GPBP1: variants seen among roughly 807,000 people sequenced by gnomAD.
GPBP1 encodes vasculin.
Under a neutral mutation model 56.5 loss-of-function variants are expected in GPBP1, and 13 were observed. The ratio of observed to expected loss-of-function variants is 0.23; its 90% confidence interval spans 0.15 to 0.37. The LOEUF (loss-of-function observed/expected upper bound fraction) is 0.37. GPBP1 is among the 10% of genes least tolerant of loss of function. The pLI is 1.00. For missense variants in GPBP1, 477 were observed against 572.3 expected, an observed-to-expected ratio of 0.83 and a Z score of 1.70; for synonymous variants, 204 against 188.9, an observed-to-expected ratio of 1.08 and a Z score of -0.66.
In GPBP1 at chr5:57,195,850, A is replaced by G. The variant is rs1287987385; in HGVS notation, c.-57-18224A>G. Among the ~76,000 whole-genome samples the G allele has an allele frequency of 2.0e-5, 3 of 151,792 alleles. No homozygotes were observed. The East Asian group carries it at 5.8e-4, about 29-fold the overall frequency. On this transcript the variant is annotated intron_variant, in intron 2 of 11. Coordinates refer to ENST00000506184, the MANE Select transcript of GPBP1 (RefSeq NM_022913.4). Reference sequence around the variant, plus strand: ...AAACCCCGTCTCTACTAAAAATACAAAAATTACCTGGGCGTGGTGGCATGC... The same window carrying G: ...AAACCCCGTCTCTACTAAAAATACAGAAATTACCTGGGCGTGGTGGCATGC...
chr5:57,234,322 A>G (rs1299337332), intron 5 of GPBP1, among the ~76,000 whole-genome samples: 1 of 152,244 alleles, frequency 6.6e-6, no homozygotes, highest in African/African-American at 2.4e-5. Flanking sequence ...GATTAGCTTT[A>G]GAGCACTCAT....
At chr5:57,258,571 C>G (rs1186868160) in intron 10 of GPBP1, among the ~76,000 whole-genome samples, 1 of 152,160 alleles carries the variant, frequency 6.6e-6, no homozygotes, top group Non-Finnish European at 1.5e-5. Flanking sequence ...GTGCGGTTGT[C>G]TGACCAAAAT....
Position 57,262,663 on chromosome 5 carries a change from C to T in GPBP1, c.1333C>T (p.Pro445Ser). The T allele has an allele frequency of 6.2e-7, 1 of 1,613,474 alleles. No individual in the cohort carries two copies. Among genetic ancestry groups the T allele is most frequent in the Non-Finnish European group, 8.5e-7 (1 of 1,179,570 alleles). Residue 445 changes from proline (P) to serine (S), a missense_variant, in exon 12 of 12, where the codon CCG becomes TCG. Pro to Ser is a moderately conservative substitution (Grantham distance 74). Around this residue, in one of 2 missense-constraint regions of GPBP1, gnomAD observed 63 missense variants for 114.0 expected, o/e 0.55. Transcript: ENST00000506184. Reference protein sequence around the residue: ...NGLICDFKFGPWKNSTFKPTT... With the variant: ...NGLICDFKFGSWKNSTFKPTT... ...CTTGATCTGTGACTTCAAGTTTGGA[C>T]CGTGGAAGAACAGCACTTTCAAACC...
At chr5:57,260,786 C>G (rs1580091031) in intron 10 of GPBP1, among the ~76,000 whole-genome samples, 3 of 152,054 alleles carry the variant, frequency 2.0e-5, no homozygotes, top group Non-Finnish European at 4.4e-5. Flanking sequence ...GCTATTGATG[C>G]AGTGTTCATG....
Position 57,264,351 on chromosome 5 carries a change from G to A in GPBP1, c.*1599G>A, listed in dbSNP as rs1266573069. ...AAAGCATGCTTTGACGAAGCTATCG[G>A]TAACACATATTGAATGTCTTTGAGA... On this transcript the variant is annotated 3_prime_UTR_variant, in exon 12 of 12. Coordinates refer to ENST00000506184, the MANE Select transcript of GPBP1 (RefSeq NM_022913.4). The A allele has an allele frequency of 2.6e-5, 4 of 152,152 alleles. No homozygotes were observed. 9.4% of individuals were successfully genotyped at this position (152,152 alleles called of 1,614,324 possible).
Position 57,175,955 on chromosome 5 carries a change from A to G in GPBP1, c.-503A>G. 2.5e-6 allele frequency: 1 copy of G among 398,482 alleles called. No individual in the cohort carries two copies. Among genetic ancestry groups the G allele is most frequent in the Non-Finnish European group, 4.4e-6 (1 of 226,014 alleles). The allele number at this position is 398,482 out of a possible 1,614,324, so 24.7% of individuals were successfully genotyped here. ...AAGAATACAGAGTTTTTTTCCTTTTATCTTTTATTTACGTGGAAATTTAAG... is the reference window on the plus strand; with the variant it reads ...AAGAATACAGAGTTTTTTTCCTTTTGTCTTTTATTTACGTGGAAATTTAAG... On this transcript the variant is annotated 5_prime_UTR_variant, in exon 2 of 12. Coordinates refer to ENST00000506184, the MANE Select transcript of GPBP1 (RefSeq NM_022913.4).
chr5:57,228,764 A>G (rs1050977333), intron 3 of GPBP1, among the ~76,000 whole-genome samples: 4 of 152,106 alleles, frequency 2.6e-5, no homozygotes, highest in East Asian at 1.9e-4. Context: ...TTAAAATGCT[A>G]TAAGGTGCTA....
At chr5:57,202,574 C>G (rs1248365346) in intron 2 of GPBP1, among the ~76,000 whole-genome samples, 3 of 152,182 alleles carry the variant, frequency 2.0e-5, no homozygotes, top group African/African-American at 7.2e-5. Flanking sequence ...CAGGCATGAG[C>G]CACCGTGCCC....
At chr5:57,194,063 T>C (rs1019813094) in intron 2 of GPBP1, among the ~76,000 whole-genome samples, 10 of 152,176 alleles carry the variant, frequency 6.6e-5, no homozygotes, top group Admixed American at 4.6e-4. Context: ...CTCTACAGTC[T>C]TTTTTTACTT....
intron 9 of GPBP1, among the ~76,000 whole-genome samples, chr5:57,250,247 G>A (rs900774497): frequency 3.3e-5 from 5 of 151,504 alleles, no homozygotes; most frequent in Non-Finnish European, 7.4e-5. Flanking sequence ...CAGGTGATCC[G>A]CCTGCCTTGG....
chr5:57,189,700 G>A (rs1288027996), intron 2 of GPBP1, among the ~76,000 whole-genome samples: 1 of 152,142 alleles, frequency 6.6e-6, no homozygotes, highest in African/African-American at 2.4e-5. Flanking sequence ...ACCCTTTAAT[G>A]TCTTTCCATT....
At chr5:57,205,669 A>G (rs1451224157) in intron 2 of GPBP1, among the ~76,000 whole-genome samples, 1 of 151,758 alleles carries the variant, frequency 6.6e-6, no homozygotes, top group Non-Finnish European at 1.5e-5. Context: ...CATTTCCCTA[A>G]TGATACTGAG....
intron 3 of GPBP1, among the ~76,000 whole-genome samples, chr5:57,219,404 C>CAAAA (rs1491436205): frequency 8.0e-5 from 2 of 25,142 alleles, no homozygotes; most frequent in Non-Finnish European, 1.3e-4. Context: ...AAAAAAAAAA[C>CAAAA]CAAAAACAAA....
At chr5:57,250,013 A>G (rs1053264268) in intron 9 of GPBP1, among the ~76,000 whole-genome samples, 3 of 70,290 alleles carry the variant, frequency 4.3e-5, no homozygotes, top group Non-Finnish European at 8.2e-5. Context: ...GTCTCACTCT[A>G]TCACCCAAGC....
At chr5:57,234,563 C>T (rs866329713) in intron 5 of GPBP1, among the ~76,000 whole-genome samples, 2 of 152,000 alleles carry the variant, frequency 1.3e-5, no homozygotes. Context: ...CATAGCAAGA[C>T]CCATTATCTA....
intron 3 of GPBP1, among the ~76,000 whole-genome samples, chr5:57,228,877 C>T (rs1756314636): frequency 6.6e-6 from 1 of 151,550 alleles, no homozygotes; most frequent in Non-Finnish European, 1.5e-5. Flanking sequence ...GCATTTCCCT[C>T]CCTACTGAGA....
intron 2 of GPBP1, among the ~76,000 whole-genome samples, chr5:57,203,909 G>A (rs574299865): frequency 1.5e-4 from 23 of 152,246 alleles, no homozygotes; most frequent in Admixed American, 7.9e-4. Flanking sequence ...AAATAGGGAA[G>A]CAATAGAATT....
rs1354186622 is a variant in GPBP1, at chr5:57,231,089, C to G, written c.188-9C>G. 1 of 1,607,006 alleles carries G rather than the reference C, an allele frequency of 6.2e-7. No homozygotes were observed. On this transcript the variant is annotated splice_polypyrimidine_tract_variant and intron_variant, in intron 4 of 11. Transcript: ENST00000506184. Reference sequence around the variant, plus strand: ...TGAATTTATATTACTTTGCTATTATCAAATAAAGGTAACTTTGGAAGGAAA... The same window carrying G: ...TGAATTTATATTACTTTGCTATTATGAAATAAAGGTAACTTTGGAAGGAAA...
intron 3 of GPBP1, among the ~76,000 whole-genome samples, chr5:57,223,788 TA>T (rs1228617208): frequency 2.0e-5 from 3 of 148,998 alleles, no homozygotes; most frequent in Admixed American, 6.7e-5. Context: ...ATTATATATA[TA>T]ATTTTAAAAT....
Sources: gnomAD v4.1 joint callset for allele counts (sites outside exome capture counted in the v4.1 genomes callset) on GRCh38, gnomAD v4.1.1 for gene constraint, gnomAD v4.1.1 regional missense constraint, MANE v1.5 for transcripts, NCBI Gene and HGNC (gene_info 2026-07-23, HGNC 2026-07-21) for gene names.